The following CTDSP2 variants were observed in gnomAD, a reference collection of about 807,000 sequenced individuals.
The protein encoded by CTDSP2 is CTD small phosphatase 2, also known as carboxy-terminal domain RNA polymerase II polypeptide A small phosphatase 2.
A neutral mutation model predicts 31.6 loss-of-function variants in CTDSP2; 9 were observed. The observed-to-expected ratio is 0.28, with a 90% CI of 0.17 to 0.50. The LOEUF is 0.50. Ranked by LOEUF, CTDSP2 falls within the 20% of genes least tolerant of loss-of-function variation. The pLI is 0.98. For synonymous variants in CTDSP2, 134 were observed against 134.5 expected, an observed-to-expected ratio of 1.00 and a Z score of 0.03; for missense variants, 267 against 348.5, an observed-to-expected ratio of 0.77 and a Z score of 1.86.
intron 2 of CTDSP2, 70 bp downstream of exon 2, chr12:57,829,378 C>G (rs1274301930): frequency 1.3e-6 from 2 of 1,549,016 alleles, no homozygotes; most frequent in East Asian, 2.3e-5. Flanking sequence ...TGTCCGGTTG[C>G]CATCGTCTGC....
At chr12:57,827,971 C>T (rs112571993) in intron 2 of CTDSP2, among the ~76,000 whole-genome samples, 1 of 152,140 alleles carries the variant, frequency 6.6e-6, no homozygotes, top group Admixed American at 6.5e-5. Flanking sequence ...CAGGCTTCTC[C>T]TTGAGAACAT....
intron 1 of CTDSP2, among the ~76,000 whole-genome samples, chr12:57,844,345 C>G (rs1368904461): frequency 6.6e-6 from 1 of 152,230 alleles, no homozygotes. Flanking sequence ...CTGCTGTTAT[C>G]TATTCTGTAG....
chr12:57,829,411 C>T (rs912037197), intron 2 of CTDSP2, 37 bp downstream of exon 2: 10 of 1,606,058 alleles, frequency 6.2e-6, no homozygotes, highest in African/African-American at 1.3e-5. Flanking sequence ...TTAACAGTCC[C>T]TTCATTGCTG....
chr12:57,823,822 G>C (rs1956164687), intron 7 of CTDSP2, 82 bp downstream of exon 7: 1 of 1,607,956 alleles, frequency 6.2e-7, no homozygotes, highest in Non-Finnish European at 8.5e-7. Flanking sequence ...TCCTGGAGGG[G>C]TGTACTTCTC....
At chr12:57,837,409 T>C (rs1956254742) in intron 1 of CTDSP2, among the ~76,000 whole-genome samples, 1 of 152,210 alleles carries the variant, frequency 6.6e-6, no homozygotes, top group African/African-American at 2.4e-5. Context: ...TGTATCTAAC[T>C]GCATGGGCAT....
chr12:57,827,514 CCT>C (rs1210779544), intron 3 of CTDSP2, 36 bp downstream of exon 3: 8 of 1,611,520 alleles, frequency 5.0e-6, no homozygotes, highest in Non-Finnish European at 6.8e-6. Context: ...ATCACAGGAT[CCT>C]GGCTTCTGAG....
intron 1 of CTDSP2, among the ~76,000 whole-genome samples, chr12:57,836,826 T>G (rs575960941): frequency 6.6e-6 from 1 of 152,326 alleles, no homozygotes; most frequent in East Asian, 1.9e-4. Context: ...CTGCCTGCGA[T>G]TCAGCAGAAG....
At chr12:57,842,592 G>GCAAAC (rs908635168) in intron 1 of CTDSP2, 1 of 152,228 alleles carries the variant, frequency 6.6e-6, no homozygotes, top group Non-Finnish European at 1.5e-5. Flanking sequence ...GGGGACAGGA[G>GCAAAC]CAAACACAAG....
chr12:57,830,367 AGAGT>A (rs1294243902), intron 1 of CTDSP2, among the ~76,000 whole-genome samples: 2 of 145,976 alleles, frequency 1.4e-5, no homozygotes, highest in Non-Finnish European at 2.9e-5. Context: ...CCTGGATGAC[AGAGT>A]GAGACTCCGT....
At position 57,823,303 on chromosome 12, in the gene CTDSP2, C is replaced by A; in HGVS notation, c.*299G>T. 1 of 408,224 alleles carries A rather than the reference C, an allele frequency of 2.4e-6. No individual in the cohort carries two copies. The highest frequency in any genetic ancestry group is 4.6e-6 in the Non-Finnish European group (1 of 217,830). 25.3% of individuals were successfully genotyped at this position (408,224 alleles called of 1,614,324 possible). A position where few individuals can be genotyped will look rare whatever the true frequency, so the allele number is the denominator to read the frequency against. The stretch of plus-strand genomic sequence containing the variant: ...GAAGAGTCTTGGTCTTTCAGCTTCT[C>A]CCCCACTGAAACACTATACACTGGG... On this transcript the variant is annotated 3_prime_UTR_variant, in exon 8 of 8. Transcript: ENST00000398073.
intron 1 of CTDSP2, chr12:57,836,954 G>A (rs926774177): frequency 6.6e-6 from 1 of 152,126 alleles, no homozygotes; most frequent in African/African-American, 2.4e-5. Context: ...CACAGCAAAG[G>A]ACTTAGCCTT....
chr12:57,832,790 T>TA (rs61390174), intron 1 of CTDSP2, among the ~76,000 whole-genome samples: 64 of 44,876 alleles, frequency 1.4e-3, no homozygotes, highest in African/African-American at 3.2e-3. Flanking sequence ...AGACTCTGGC[T>TA]AAAAAAAAAA....
chr12:57,846,398 T>A lies in CTDSP2; in HGVS notation c.38A>T (p.Glu13Val), dbSNP rs1380452451. 4.4e-6 allele frequency: 7 copies of A among 1,608,364 alleles called. No homozygotes were observed. The highest frequency in any genetic ancestry group is 1.7e-4 in the Middle Eastern group (1 of 6,038). ...HGSIITQARR[E>V]DALVLTKQGL... The stretch of plus-strand genomic sequence containing the variant: ...TTGCTTGGTGAGCACCAGGGCGTCT[T>A]CCCTCCGCGCCTGGGTGATGATGGA... Residue 13 changes from glutamate (E) to valine (V), a missense_variant, in exon 1 of 8, where the codon GAA becomes GTA. Around this residue, in one of 2 missense-constraint regions of CTDSP2, gnomAD observed 111 missense variants for 107.1 expected, o/e 1.04. Coordinates refer to ENST00000398073, the MANE Select transcript of CTDSP2 (RefSeq NM_005730.4).
intron 5 of CTDSP2, chr12:57,824,532 C>T: frequency 3.0e-6 from 2 of 664,822 alleles, no homozygotes; most frequent in Admixed American, 4.0e-5. Context: ...ATCAGTGGTC[C>T]CAACCTCAAC....
At chr12:57,825,973 G>A (rs1484403620) in intron 5 of CTDSP2, among the ~76,000 whole-genome samples, 1 of 152,128 alleles carries the variant, frequency 6.6e-6, no homozygotes, top group African/African-American at 2.4e-5. Context: ...TATCTTAACA[G>A]GTATAGATAC....
In CTDSP2 at chr12:57,823,966, G is replaced by A. The variant is rs1379123710; in HGVS notation, c.628C>T (p.Leu210=). The change falls in exon 7 of 8, where the codon CTG becomes TTG. Residue 210 remains leucine, a synonymous_variant. Transcript: ENST00000398073. Reference sequence around the variant, plus strand: ...TTGTCCAGGATGAGGGTCTTTCTCAGGTCCCTCCCCAGGCGGCTGAGGTCC... The same window carrying A: ...TTGTCCAGGATGAGGGTCTTTCTCAAGTCCCTCCCCAGGCGGCTGAGGTCC... ...VKDLSRLGRD[L]RKTLILDNSP... 1 of 1,614,016 alleles carries A rather than the reference G, an allele frequency of 6.2e-7. No individual in the cohort carries two copies. The highest frequency in any genetic ancestry group is 8.5e-7 in the Non-Finnish European group (1 of 1,180,030).
chr12:57,833,753 A>T (rs548763102), intron 1 of CTDSP2, among the ~76,000 whole-genome samples: 139 of 152,328 alleles, frequency 9.1e-4, no homozygotes, highest in African/African-American at 3.0e-3. Flanking sequence ...AGCCCAGAAG[A>T]GTTAGATAGA....
At chr12:57,834,392 G>A (rs902567629) in intron 1 of CTDSP2, among the ~76,000 whole-genome samples, 15 of 152,126 alleles carry the variant, frequency 9.9e-5, no homozygotes, top group Admixed American at 3.9e-4. Flanking sequence ...CCTTGCCCCA[G>A]GTTTTCTTGG....
chr12:57,836,570 A>G (rs1480899083), intron 1 of CTDSP2, among the ~76,000 whole-genome samples: 1 of 152,116 alleles, frequency 6.6e-6, no homozygotes, highest in Non-Finnish European at 1.5e-5. Flanking sequence ...GGAGCCCAGG[A>G]GTTTGAGGCT....
Sources: allele counts gnomAD v4.1 joint callset (sites outside exome capture counted in the v4.1 genomes callset), GRCh38; gene constraint gnomAD v4.1.1; regional missense constraint gnomAD v4.1.1; transcripts MANE v1.5; gene names NCBI Gene and HGNC (gene_info 2026-07-23, HGNC 2026-07-21).